The following PCDHGC5 variants were observed in gnomAD, a reference collection of about 807,000 sequenced individuals.
The protein encoded by PCDHGC5 is protocadherin gamma-C5.
Under a neutral mutation model 59.0 loss-of-function variants are expected in PCDHGC5, and 25 were observed. The ratio of observed to expected loss-of-function variants is 0.42; its 90% CI spans 0.31 to 0.59. The LOEUF (loss-of-function observed/expected upper bound fraction) is 0.59. Among genes scored for constraint, PCDHGC5 ranks in the 20% least tolerant of loss-of-function variants. The pLI is 0.13. For missense variants in PCDHGC5, 1,067 were observed against 1,206.4 expected (o/e 0.88, Z 1.71); for synonymous variants, 434 against 505.5 (o/e 0.86, Z 1.90).
At chr5:141,494,752 T>G (rs889400984) in intron 1 of PCDHGC5, 55 bp from the exon 2 acceptor site, 6 of 1,612,324 alleles carry the variant, frequency 3.7e-6, no homozygotes, top group East Asian at 2.2e-5. Flanking sequence ...GGGGCTCGGG[T>G]GACATTCTAA....
Position 141,489,358 on chromosome 5 carries a change from G to C in PCDHGC5, c.118G>C (p.Glu40Gln). 1 of 1,613,144 alleles carries C rather than the reference G, an allele frequency of 6.2e-7. No homozygotes were observed. The highest frequency in any genetic ancestry group is 1.7e-4 in the Middle Eastern group (1 of 6,052). Residue 40 changes from glutamate to glutamine, a missense_variant, in exon 1 of 4, where the codon GAG (glutamate) becomes CAG (glutamine). By Grantham distance (29) the Glu-to-Gln change is conservative. Coordinates refer to ENST00000252087, the MANE Select transcript of PCDHGC5 (RefSeq NM_018929.3). The surrounding 1 kb of genome is among the most constrained non-coding windows in gnomAD (Gnocchi z 4.5). ...TCGTTACTCAGTGGTGGAGGAGTCT[G>C]AGCCGGGGACGCTGGTGGGGAATGT... ...QLRYSVVEES[E>Q]PGTLVGNVAQ...
intron 1 of PCDHGC5, chr5:141,492,050 C>T (rs2099736541): frequency 4.0e-6 from 2 of 500,984 alleles, no homozygotes; most frequent in South Asian, 7.5e-5. Context: ...AGATCCACCC[C>T]TGCAGCCAGC....
chr5:141,491,549 A>T lies in PCDHGC5; in HGVS notation c.2309A>T (p.Gln770Leu), dbSNP rs748281587. 18 of 1,613,860 alleles carry T rather than the reference A, an allele frequency of 1.1e-5. No homozygotes were observed. In the East Asian group the frequency reaches 3.8e-4, roughly 34 times the overall value. Residue 770 changes from glutamine (Q) to leucine (L), a missense_variant, in exon 1 of 4, where the codon CAG becomes CTG. Coordinates refer to ENST00000252087, the MANE Select transcript of PCDHGC5 (RefSeq NM_018929.3). This position sits in a 1 kb window ranked among gnomAD's most constrained non-coding sequence, Gnocchi z 6.9. ...MEVTLRPTDS[Q>L]SHCYRTCFSP... Reference sequence around the variant, plus strand: ...GTGACGCTGCGGCCCACAGACTCGCAGAGCCACTGCTACAGGACGTGCTTT... The same window carrying T: ...GTGACGCTGCGGCCCACAGACTCGCTGAGCCACTGCTACAGGACGTGCTTT...
At position 141,510,973 on chromosome 5, in the gene PCDHGC5, G is replaced by A. The variant is rs1448442252; in HGVS notation, c.2635G>A (p.Gly879Arg). 2 of 1,614,042 alleles carry A rather than the reference G, an allele frequency of 1.2e-6. No individual in the cohort carries two copies. Among genetic ancestry groups the A allele is most frequent in the East Asian group, 2.2e-5 (1 of 44,894 alleles). ...AGCTGCTGATGGGAGCTCCACCCTG[G>A]GAGGGGGTGCCGGCACCATGGGATT... ...SEAADGSSTL[G>R]GGAGTMGLSA... Residue 879 changes from glycine (G) to arginine (R), a missense_variant, in exon 4 of 4, where the codon GGA (glycine) becomes AGA (arginine). Gly to Arg is a moderately radical substitution (Grantham distance 125). Transcript: ENST00000252087.
At chr5:141,501,334 C>CA (rs2099808390) in intron 2 of PCDHGC5, among the ~76,000 whole-genome samples, 1 of 145,376 alleles carries the variant, frequency 6.9e-6, no homozygotes, top group Non-Finnish European at 1.5e-5. Flanking sequence ...CACACACACA[C>CA]CCCAAACTCA....
Position 141,491,842 on chromosome 5 carries a change from T to C in PCDHGC5, c.2460+142T>C, listed in dbSNP as rs551615550. The C allele has an allele frequency of 7.5e-6, 11 of 1,464,162 alleles. No homozygotes were observed. In the South Asian group the frequency reaches 1.3e-4, roughly 17 times the overall value. 90.7% of individuals were successfully genotyped at this position (1,464,162 alleles called of 1,614,324 possible). ...GCGCTCCACCCGATTCTCGGGATCA[T>C]TGGACCGTTTGCGCGAAACCAGAGT... On this transcript the variant is annotated intron_variant, in intron 1 of 3. Transcript: ENST00000252087. The surrounding 1 kb of genome is among the most constrained non-coding windows in gnomAD (Gnocchi z 6.9).
intron 2 of PCDHGC5, among the ~76,000 whole-genome samples, chr5:141,497,894 A>AG (rs1562181617): frequency 2.0e-5 from 3 of 152,186 alleles, no homozygotes; most frequent in Admixed American, 6.5e-5. Context: ...GATCTAGTCC[A>AG]GTAACTTCAA....
chr5:141,492,316 G>C (rs1283387204), intron 1 of PCDHGC5, among the ~76,000 whole-genome samples: 1 of 152,190 alleles, frequency 6.6e-6, no homozygotes. Context: ...CGCACTCCTC[G>C]CACGTGGGCT....
chr5:141,504,907 A>G (rs2099841813), intron 2 of PCDHGC5, among the ~76,000 whole-genome samples: 1 of 152,100 alleles, frequency 6.6e-6, no homozygotes, highest in African/African-American at 2.4e-5. Context: ...TCACTATGAC[A>G]GGAAGCCAGG....
chr5:141,502,468 C>A (rs1007796183), intron 2 of PCDHGC5, among the ~76,000 whole-genome samples: 6 of 151,190 alleles, frequency 4.0e-5, no homozygotes, highest in Non-Finnish European at 8.8e-5. Flanking sequence ...GGAATACTTC[C>A]CGCAGCATCA....
Position 141,511,072 on chromosome 5 carries a change from A to C in PCDHGC5, c.2734A>C (p.Ser912Arg). The C allele has an allele frequency of 6.2e-7, 1 of 1,614,252 alleles. No individual in the cohort carries two copies. Among genetic ancestry groups the C allele is most frequent in the Non-Finnish European group, 8.5e-7 (1 of 1,180,034 alleles). Residue 912 changes from serine to arginine, a missense_variant, in exon 4 of 4, where the codon AGC (serine) becomes CGC (arginine). Ser to Arg is a moderately radical substitution (Grantham distance 110). Coordinates refer to ENST00000252087, the MANE Select transcript of PCDHGC5 (RefSeq NM_018929.3). ...CCGCCAGAATGTCTACATCCCAGGC[A>C]GCAATGCCACACTGACCAACGCAGC... ...DYRQNVYIPG[S>R]NATLTNAAGK...
chr5:141,504,315 A>G (rs573050088), intron 2 of PCDHGC5, among the ~76,000 whole-genome samples: 1 of 152,248 alleles, frequency 6.6e-6, no homozygotes, highest in East Asian at 1.9e-4. Flanking sequence ...AGTTTCTAAA[A>G]GTCTCACTTA....
chr5:141,499,485 A>G (rs1278629076), intron 2 of PCDHGC5, among the ~76,000 whole-genome samples: 2 of 152,226 alleles, frequency 1.3e-5, no homozygotes, highest in Non-Finnish European at 2.9e-5. Flanking sequence ...ACCACCAACT[A>G]CAGTTTAATA....
intron 2 of PCDHGC5, among the ~76,000 whole-genome samples, chr5:141,502,956 G>A (rs986743949): frequency 1.3e-5 from 2 of 148,846 alleles, no homozygotes; most frequent in African/African-American, 5.0e-5. Context: ...CGATTCTCCT[G>A]CCTCAGCCTC....
rs143362044 is a variant in PCDHGC5, at chr5:141,511,092, C to T, written c.2754C>T (p.Asn918=). The T allele has an allele frequency of 4.5e-5, 73 of 1,614,088 alleles. No homozygotes were observed. Among genetic ancestry groups the T allele is most frequent in the Admixed American group, 1.5e-4 (9 of 60,012 alleles). ...YIPGSNATLT[N]AAGKRDGKAP... is the part of the protein sequence containing the mutation. ...CAGGCAGCAATGCCACACTGACCAA[C>T]GCAGCTGGCAAGCGGGATGGCAAGG... The change falls in exon 4 of 4, where the codon AAC becomes AAT. Residue 918 remains asparagine, a synonymous_variant. Coordinates refer to ENST00000252087, the MANE Select transcript of PCDHGC5 (RefSeq NM_018929.3).
At chr5:141,495,356 C>A (rs889897990) in intron 2 of PCDHGC5, among the ~76,000 whole-genome samples, 3 of 152,222 alleles carry the variant, frequency 2.0e-5, no homozygotes, top group Non-Finnish European at 4.4e-5. Flanking sequence ...GGCAGCACAG[C>A]TGGAGGTGGA....
At chr5:141,496,080 C>G (rs2099765822) in intron 2 of PCDHGC5, among the ~76,000 whole-genome samples, 2 of 152,150 alleles carry the variant, frequency 1.3e-5, no homozygotes, top group East Asian at 1.9e-4. Context: ...ACACAACCCC[C>G]CACCCACCAC....
In PCDHGC5 at chr5:141,489,461, A is replaced by G. The variant is rs1329676538; in HGVS notation, c.221A>G (p.Tyr74Cys). 5.0e-6 allele frequency: 8 copies of G among 1,613,832 alleles called. No homozygotes were observed. The highest frequency in any genetic ancestry group is 6.8e-6 in the Non-Finnish European group (8 of 1,179,986). Residue 74 changes from tyrosine to cysteine, a missense_variant, in exon 1 of 4, where the codon TAT becomes TGT. Transcript: ENST00000252087. This position sits in a 1 kb window ranked among gnomAD's most constrained non-coding sequence, Gnocchi z 4.5. ...TTGGGCTCTGAGGAGAATGGGCGCT[A>G]TTTTTCCCTGAGCTTGATGAGTGGT... ...LQLGSEENGR[Y>C]FSLSLMSGAL...
In PCDHGC5 at chr5:141,489,116, C is replaced by A; in HGVS notation, c.-125C>A. Reference sequence around the variant, plus strand: ...TAAGAACTGCTGCAAGCAGGCAAACCTCCGAGCAGTTTTTAAGAGGCTGGA... The same window carrying A: ...TAAGAACTGCTGCAAGCAGGCAAACATCCGAGCAGTTTTTAAGAGGCTGGA... On this transcript the variant is annotated 5_prime_UTR_variant, in exon 1 of 4. Transcript: ENST00000252087. The surrounding 1 kb of genome is among the most constrained non-coding windows in gnomAD (Gnocchi z 4.5). 3.7e-6 allele frequency: 2 copies of A among 536,398 alleles called. No homozygotes were observed. The highest frequency in any genetic ancestry group is 6.2e-6 in the Non-Finnish European group (2 of 322,530). 33.2% of individuals were successfully genotyped at this position (536,398 alleles called of 1,614,324 possible).
Sources: gnomAD v4.1 joint callset for allele counts (sites outside exome capture counted in the v4.1 genomes callset) on GRCh38, gnomAD v4.1.1 for gene constraint, Gnocchi (gnomAD v3.1) non-coding constraint, MANE v1.5 for transcripts, NCBI Gene and HGNC (gene_info 2026-07-23, HGNC 2026-07-21) for gene names.